Variants in BORCS5 observed in about 807,000 individuals in gnomAD.
BORCS5 encodes BLOC-1-related complex subunit 5.
BORCS5 carries 17 observed loss-of-function variants against 22.1 expected under a neutral mutation model. The ratio of observed to expected loss-of-function variants is 0.77; its 90% CI spans 0.53 to 1.15. The LOEUF (loss-of-function observed/expected upper bound fraction) is 1.15, where lower values mean the gene tolerates loss of function less well. Among genes scored for constraint, BORCS5 ranks in the 50% most tolerant of loss-of-function variants. BORCS5 has a pLI of 0.00. For missense variants in BORCS5, 247 were observed against 253.2 expected, an observed-to-expected ratio of 0.98 and a Z score of 0.17; for synonymous variants, 117 against 99.8, an observed-to-expected ratio of 1.17 and a Z score of -1.03.
At chr12:12,414,394 C>T (rs1193908704) in intron 2 of BORCS5, among the ~76,000 whole-genome samples, 14 of 113,270 alleles carry the variant, frequency 1.2e-4, no homozygotes, top group Non-Finnish European at 3.9e-5. Context: ...CTGACCCCCC[C>T]ACCTCCCTCC....
intron 2 of BORCS5, among the ~76,000 whole-genome samples, chr12:12,377,360 A>T (rs1003045457): frequency 6.6e-6 from 1 of 151,836 alleles, no homozygotes; most frequent in Non-Finnish European, 1.5e-5. Flanking sequence ...GTGTATTTTT[A>T]GTAGAGATGG....
In BORCS5 at chr12:12,457,208, C is replaced by A. The variant is rs1943013227; in HGVS notation, c.361-8338C>A. Among the ~76,000 whole-genome samples the A allele has an allele frequency of 3.3e-5, 5 of 152,294 alleles. 1 individual carries two copies. The South Asian group carries it at 1.0e-3, about 32-fold the overall frequency. On this transcript the variant is annotated intron_variant, in intron 3 of 3. Coordinates refer to ENST00000314565, the MANE Select transcript of BORCS5 (RefSeq NM_058169.6). ...GTCAACCCTATGACGTAGGCATTGTCAATTTCACCAATTTTAGGGGACAGA... is the reference window on the plus strand; with the variant it reads ...GTCAACCCTATGACGTAGGCATTGTAAATTTCACCAATTTTAGGGGACAGA...
At chr12:12,414,671 C>T (rs1415909325) in intron 2 of BORCS5, among the ~76,000 whole-genome samples, 1 of 89,286 alleles carries the variant, frequency 1.1e-5, no homozygotes, top group African/African-American at 5.0e-5. Flanking sequence ...GACGGGGCGG[C>T]TGGCCGGGCG....
At chr12:12,432,319 A>G (rs1049033710) in intron 2 of BORCS5, among the ~76,000 whole-genome samples, 30 of 152,194 alleles carry the variant, frequency 2.0e-4, no homozygotes, top group Admixed American at 2.0e-3. Flanking sequence ...TGACAGCAAA[A>G]TGCTTTTGGT....
At chr12:12,400,090 C>T (rs975012247) in intron 2 of BORCS5, among the ~76,000 whole-genome samples, 1 of 152,224 alleles carries the variant, frequency 6.6e-6, no homozygotes, top group African/African-American at 2.4e-5. Flanking sequence ...CTTGGCTTCG[C>T]ACCAAGGCTG....
chr12:12,453,925 T>A (rs780055414), intron 3 of BORCS5, among the ~76,000 whole-genome samples: 10 of 152,224 alleles, frequency 6.6e-5, no homozygotes, highest in East Asian at 1.9e-4. Context: ...ATAAAGGGAA[T>A]CATGTGATAT....
intron 3 of BORCS5, among the ~76,000 whole-genome samples, chr12:12,449,560 G>A (rs938671466): frequency 2.0e-5 from 3 of 152,106 alleles, no homozygotes; most frequent in African/African-American, 7.2e-5. Context: ...GGGGAAACTG[G>A]GCAAGTCGTA....
chr12:12,438,385 A>ATAC (rs1257519800), intron 3 of BORCS5, among the ~76,000 whole-genome samples: 1 of 126,112 alleles, frequency 7.9e-6, no homozygotes, highest in African/African-American at 3.3e-5. Context: ...AAAAAACGAA[A>ATAC]AACAACAACA....
chr12:12,403,036 C>T (rs1009360596), intron 2 of BORCS5, among the ~76,000 whole-genome samples: 3 of 151,308 alleles, frequency 2.0e-5, no homozygotes, highest in African/African-American at 7.3e-5. Flanking sequence ...CACAGTCCCA[C>T]TTTTTCGTTA....
chr12:12,427,007 C>A (rs1277339043), intron 2 of BORCS5, among the ~76,000 whole-genome samples: 2 of 152,048 alleles, frequency 1.3e-5, no homozygotes, highest in Non-Finnish European at 2.9e-5. Flanking sequence ...GTTGCCCCCT[C>A]GAGGTTAGCA....
chr12:12,409,083 T>A (rs961789520), intron 2 of BORCS5, among the ~76,000 whole-genome samples: 1 of 141,832 alleles, frequency 7.1e-6, no homozygotes, highest in African/African-American at 2.4e-5. Context: ...GTTCTACATC[T>A]TTGCCATCAT....
Position 12,441,908 on chromosome 12 carries a change from T to C in BORCS5, c.360+6123T>C, listed in dbSNP as rs1207864495. Among the ~76,000 whole-genome samples, 3 of 152,184 alleles carry C rather than the reference T, an allele frequency of 2.0e-5. No homozygotes were observed. The East Asian group carries it at 5.8e-4, about 29-fold the overall frequency. On this transcript the variant is annotated intron_variant, in intron 3 of 3. Coordinates refer to ENST00000314565, the MANE Select transcript of BORCS5 (RefSeq NM_058169.6). ...AAGCTGGATGGTGGCAAACCATTAG[T>C]CCTTGGCTTCTAGGCTGTGGATACA...
At chr12:12,450,707 G>A (rs1261587510) in intron 3 of BORCS5, among the ~76,000 whole-genome samples, 5 of 152,150 alleles carry the variant, frequency 3.3e-5, no homozygotes, top group Admixed American at 1.3e-4. Flanking sequence ...AAATGGAGCC[G>A]AAAAGCATGG....
Position 12,466,798 on chromosome 12 carries a change from G to C in BORCS5, c.*1022G>C. On this transcript the variant is annotated 3_prime_UTR_variant, in exon 4 of 4. Coordinates refer to ENST00000314565, the MANE Select transcript of BORCS5 (RefSeq NM_058169.6). ...TCGCTGGGGCCAGGACGGCATGCAG[G>C]CCTGTACCCTGTTCCCTAAGTTCCT... 6.6e-6 allele frequency: 1 copy of C among 152,336 alleles called. No homozygotes were observed. Among genetic ancestry groups the C allele is most frequent in the Non-Finnish European group, 1.5e-5 (1 of 68,042 alleles). The allele number at this position is 152,336 out of a possible 1,614,324, so 9.4% of individuals were successfully genotyped here.
chr12:12,467,812 T>C lies in BORCS5; in HGVS notation c.*2036T>C, dbSNP rs888202. The stretch of plus-strand genomic sequence containing the variant: ...AAGTGGAAGTAGAGCAACAGCCATG[T>C]GTATTCACTGGAAGTGGATGTAGGT... On this transcript the variant is annotated 3_prime_UTR_variant, in exon 4 of 4. Transcript: ENST00000314565. 0.93 allele frequency: 141,835 copies of C among 152,276 alleles called. 66,629 individuals are homozygous for C. The highest frequency in any genetic ancestry group is 0.99 in the Non-Finnish European group (67,250 of 68,070). 9.4% of individuals were successfully genotyped at this position (152,276 alleles called of 1,614,324 possible).
chr12:12,429,055 A>C (rs759907489), intron 2 of BORCS5, among the ~76,000 whole-genome samples: 17 of 152,206 alleles, frequency 1.1e-4, no homozygotes, highest in Non-Finnish European at 2.2e-4. Context: ...GCTGCCGGGC[A>C]TTGGACAGGA....
chr12:12,465,685 T>G lies in BORCS5; in HGVS notation c.500T>G (p.Val167Gly). 1 of 1,614,238 alleles carries G rather than the reference T, an allele frequency of 6.2e-7. No homozygotes were observed. ...ATACAGATGGGCATCGACCAGACTGTGCCCCTGCTGGACAGGCTCAACAGC... is the reference window on the plus strand; with the variant it reads ...ATACAGATGGGCATCGACCAGACTGGGCCCCTGCTGGACAGGCTCAACAGC... ...RRIQMGIDQT[V>G]PLLDRLNSML... The change falls in exon 4 of 4, where the codon GTG (valine) becomes GGG (glycine). Residue 167 changes from valine to glycine, a missense_variant. Val to Gly is a moderately radical substitution (Grantham distance 109). Coordinates refer to ENST00000314565, the MANE Select transcript of BORCS5 (RefSeq NM_058169.6).
At chr12:12,358,027 G>C (rs1046481090) in intron 1 of BORCS5, among the ~76,000 whole-genome samples, 1 of 152,184 alleles carries the variant, frequency 6.6e-6, no homozygotes, top group East Asian at 1.9e-4. Flanking sequence ...GTAGAGGTTG[G>C]CCAGACAGCA....
chr12:12,434,718 G>A, intron 2 of BORCS5, among the ~76,000 whole-genome samples: 1 of 152,086 alleles, frequency 6.6e-6, no homozygotes, highest in Middle Eastern at 3.4e-3. Flanking sequence ...TGTATAAAGG[G>A]GTTATCATTA....
Sources: gnomAD v4.1 joint callset for allele counts (sites outside exome capture counted in the v4.1 genomes callset) on GRCh38, gnomAD v4.1.1 for gene constraint, MANE v1.5 for transcripts, NCBI Gene and HGNC (gene_info 2026-07-23, HGNC 2026-07-21) for gene names.